Variants in MBTD1 observed in about 807,000 individuals in gnomAD.
MBTD1 encodes MBT domain-containing protein 1.
MBTD1 carries 24 observed loss-of-function variants against 87.8 expected under a neutral mutation model. The observed-to-expected ratio is 0.27, with a 90% CI of 0.20 to 0.38. MBTD1 has a LOEUF of 0.38. Ranked by LOEUF, MBTD1 falls within the 10% of genes least tolerant of loss-of-function variation. The probability of loss-of-function intolerance (pLI) is 1.00; values close to 1 mark genes in which losing one functional copy is unlikely to be tolerated. For missense variants in MBTD1, 436 were observed against 760.2 expected, an observed-to-expected ratio of 0.57 and a Z score of 5.02; for synonymous variants, 237 against 248.6, an observed-to-expected ratio of 0.95 and a Z score of 0.44.
At chr17:51,210,695 G>T (rs2052136946) in intron 6 of MBTD1, among the ~76,000 whole-genome samples, 1 of 152,142 alleles carries the variant, frequency 6.6e-6, no homozygotes. Flanking sequence ...GGCAGAGGCT[G>T]CAGTGAGCCA....
intron 12 of MBTD1, among the ~76,000 whole-genome samples, chr17:51,197,299 G>A (rs1222132193): frequency 2.0e-5 from 3 of 150,530 alleles, no homozygotes; most frequent in Admixed American, 6.6e-5. Flanking sequence ...ATGGGGTTTC[G>A]CCATGTTGGC....
At chr17:51,206,579 T>A (rs2051852002) in intron 7 of MBTD1, among the ~76,000 whole-genome samples, 1 of 152,214 alleles carries the variant, frequency 6.6e-6, no homozygotes, top group Admixed American at 6.5e-5. Flanking sequence ...TACATAACTA[T>A]TATATGAAAT....
At chr17:51,198,657 T>C (rs1433861130) in intron 12 of MBTD1, among the ~76,000 whole-genome samples, 1 of 152,164 alleles carries the variant, frequency 6.6e-6, no homozygotes, top group Non-Finnish European at 1.5e-5. Context: ...ACAGAGACTG[T>C]TGTCACATGG....
At position 51,203,894 on chromosome 17, in the gene MBTD1, A is replaced by C. The variant is rs1298648365; in HGVS notation, c.636T>G (p.Phe212Leu). 1 of 1,612,166 alleles carries C rather than the reference A, an allele frequency of 6.2e-7. No homozygotes were observed. Among genetic ancestry groups the C allele is most frequent in the South Asian group, 1.1e-5 (1 of 90,784 alleles). ...AGAAGTCCAGACCAGAGTCATTTTC[A>C]AATCCTTCATATCTTAAAAGGGCAT... ...GYNALLRYEG[F>L]ENDSGLDFWC... The change falls in exon 8 of 17, where the codon TTT becomes TTG. Residue 212 changes from phenylalanine (F) to leucine (L), a missense_variant. Phe to Leu is a conservative substitution (Grantham distance 22). Transcript: ENST00000586178.
At chr17:51,187,401 C>CA (rs201877980) in intron 16 of MBTD1, among the ~76,000 whole-genome samples, 6,237 of 113,596 alleles carry the variant, frequency 0.055, 223 homozygotes, top group African/African-American at 0.11. Context: ...GACCTTGTCT[C>CA]AAAAAAAAAA....
rs574052579 is a variant in MBTD1, at chr17:51,193,043, T to C, written c.1456-27A>G. 20 of 1,518,506 alleles carry C rather than the reference T, an allele frequency of 1.3e-5. No individual in the cohort carries two copies. In the Middle Eastern group the frequency reaches 5.1e-4, roughly 39 times the overall value. The allele number at this position is 1,518,506 out of a possible 1,614,324, so 94.1% of individuals were successfully genotyped here. A position where few individuals can be genotyped will look rare whatever the true frequency, so the allele number is the denominator to read the frequency against. On this transcript the variant is annotated intron_variant, in intron 14 of 16. Transcript: ENST00000586178. ...TGACACAGAGAAGAAAACATTAATA[T>C]TGGTATGAAGAAGAAAGAATGCACA...
At chr17:51,230,564 G>A (rs1195361843) in intron 2 of MBTD1, among the ~76,000 whole-genome samples, 1 of 152,160 alleles carries the variant, frequency 6.6e-6, no homozygotes, top group Non-Finnish European at 1.5e-5. Context: ...ATTCAGCAGT[G>A]AGGAACAATC....
rs1222579255 is a variant in MBTD1, at chr17:51,193,019, GAC to G, written c.1456-5_1456-4del. On this transcript the variant is annotated splice_region_variant and splice_polypyrimidine_tract_variant and intron_variant, in intron 14 of 16. Coordinates refer to ENST00000586178, the MANE Select transcript of MBTD1 (RefSeq NM_017643.3). Reference sequence around the variant, plus strand: ...CGAAATCCGTGATTTGGAACATCCTGACACAGAGAAGAAAACATTAATATTGG... The same window carrying G: ...CGAAATCCGTGATTTGGAACATCCTGACAGAGAAGAAAACATTAATATTGG... The G allele has an allele frequency of 3.8e-6, 6 of 1,593,772 alleles. No individual in the cohort carries two copies. The African/African-American group carries it at 4.0e-5, about 11-fold the overall frequency.
rs113153288 is a variant in MBTD1 at position 51,246,686 on chromosome 17, A to T, written c.-49+12457T>A. Among the ~76,000 whole-genome samples, 807 of 152,230 alleles carry T rather than the reference A, an allele frequency of 5.3e-3. 5 individuals carry two copies. The highest frequency in any genetic ancestry group is 0.01 in the Middle Eastern group (3 of 294). ...GGTCTCACTCTGTCGTCCAGGCTGG[A>T]GTGCTGTGGTGCAATCTCGGCTCAC... On this transcript the variant is annotated intron_variant, in intron 2 of 16. Coordinates refer to ENST00000586178, the MANE Select transcript of MBTD1 (RefSeq NM_017643.3).
chr17:51,180,733 C>T, intron 16 of MBTD1, 39 bp from the exon 17 acceptor site: 2 of 1,051,074 alleles, frequency 1.9e-6, no homozygotes, highest in Non-Finnish European at 2.9e-6. Flanking sequence ...CATTAAGGCT[C>T]TCTAGAGTAC....
intron 2 of MBTD1, among the ~76,000 whole-genome samples, chr17:51,232,367 G>T (rs1315320480): frequency 6.6e-6 from 1 of 152,004 alleles, no homozygotes; most frequent in Non-Finnish European, 1.5e-5. Flanking sequence ...CACATAATAA[G>T]TAATCCACCA....
At chr17:51,216,527 T>C (rs2052578252) in intron 6 of MBTD1, among the ~76,000 whole-genome samples, 1 of 152,184 alleles carries the variant, frequency 6.6e-6, no homozygotes. Context: ...ATGATATATA[T>C]ATATAGCACA....
In MBTD1 at chr17:51,192,881, C is replaced by G; in HGVS notation, c.1591G>C (p.Glu531Gln). The change falls in exon 15 of 17, where the codon GAA (glutamate) becomes CAA (glutamine). Residue 531 changes from glutamate to glutamine, a missense_variant. This residue lies in a region of MBTD1 where 80 missense variants were observed against 182.2 expected (regional missense o/e 0.44). Transcript: ENST00000586178. ...CAGTCTACCCACTGATCATACTCTT[C>G]TTCCCATCCATCAAAATGTATCCTC... ...LLRIHFDGWE[E>Q]EYDQWVDCES... 6.2e-7 allele frequency: 1 copy of G among 1,614,182 alleles called. No individual in the cohort carries two copies. The highest frequency in any genetic ancestry group is 8.5e-7 in the Non-Finnish European group (1 of 1,180,018).
chr17:51,191,229 T>C (rs1232401058), intron 16 of MBTD1, among the ~76,000 whole-genome samples: 2 of 151,830 alleles, frequency 1.3e-5, no homozygotes, highest in Admixed American at 6.6e-5. Flanking sequence ...AACAATTCAC[T>C]GTAAGGTAAA....
intron 2 of MBTD1, among the ~76,000 whole-genome samples, chr17:51,229,869 C>T (rs1021011488): frequency 6.6e-6 from 1 of 152,036 alleles, no homozygotes; most frequent in Non-Finnish European, 1.5e-5. Context: ...ACCTCGTTAA[C>T]CAGGATGGTC....
intron 3 of MBTD1, among the ~76,000 whole-genome samples, chr17:51,224,350 G>C (rs1172867990): frequency 6.6e-6 from 1 of 152,156 alleles, no homozygotes; most frequent in African/African-American, 2.4e-5. Flanking sequence ...TTCTATTGTG[G>C]AGAAAAAAGA....
chr17:51,259,002 A>C, intron 2 of MBTD1, 141 bp downstream of exon 2: 1 of 392,786 alleles, frequency 2.5e-6, no homozygotes, highest in Non-Finnish European at 4.5e-6. Context: ...AAAAGGAGCA[A>C]CTTAACCAGG....
At chr17:51,228,240 G>A (rs1266995806) in intron 2 of MBTD1, among the ~76,000 whole-genome samples, 3 of 151,998 alleles carry the variant, frequency 2.0e-5, no homozygotes, top group African/African-American at 7.2e-5. Flanking sequence ...GTGGGAGGAG[G>A]GAGAGGACCA....
intron 6 of MBTD1, among the ~76,000 whole-genome samples, chr17:51,217,037 C>T (rs1244688497): frequency 2.6e-5 from 4 of 151,532 alleles, no homozygotes; most frequent in Non-Finnish European, 4.4e-5. Context: ...CATGTCTTTA[C>T]AAAAAAATTT....
Sources: gnomAD v4.1 joint callset for allele counts (sites outside exome capture counted in the v4.1 genomes callset) on GRCh38, gnomAD v4.1.1 for gene constraint, gnomAD v4.1.1 regional missense constraint, MANE v1.5 for transcripts, NCBI Gene and HGNC (gene_info 2026-07-23, HGNC 2026-07-21) for gene names.